The following KIAA1671 variants were observed in gnomAD, a reference collection of about 807,000 sequenced individuals.
The protein encoded by KIAA1671 is KIAA1671.
Under a neutral mutation model 131.2 loss-of-function variants are expected in KIAA1671, and 52 were observed. The observed-to-expected ratio is 0.40, with a 90% CI of 0.32 to 0.50. The LOEUF is 0.50. Among genes scored for constraint, KIAA1671 ranks in the 20% least tolerant of loss-of-function variants. The probability of loss-of-function intolerance (pLI) is 0.73; values close to 1 mark genes in which losing one functional copy is unlikely to be tolerated. For synonymous variants in KIAA1671, 1,003 were observed against 961.6 expected, an observed-to-expected ratio of 1.04 and a Z score of -0.80; for missense variants, 2,360 against 2,364.2, an observed-to-expected ratio of 1.00 and a Z score of 0.04.
chr22:25,141,231 T>C (rs1286987049), intron 6 of KIAA1671, among the ~76,000 whole-genome samples: 1 of 152,096 alleles, frequency 6.6e-6, no homozygotes, highest in Non-Finnish European at 1.5e-5. Context: ...TGTTTTTGTT[T>C]TTGTTTTTTG....
At chr22:25,145,959 A>C (rs1297500376) in intron 6 of KIAA1671, among the ~76,000 whole-genome samples, 1 of 151,902 alleles carries the variant, frequency 6.6e-6, no homozygotes, top group Admixed American at 6.6e-5. Context: ...AAAAAAAAAA[A>C]ACAACAACAA....
chr22:25,078,315 A>G (rs148525911), intron 6 of KIAA1671, among the ~76,000 whole-genome samples: 1 of 152,354 alleles, frequency 6.6e-6, no homozygotes, highest in Non-Finnish European at 1.5e-5. Context: ...GCTTGAGCCC[A>G]GGAATTTGAG....
At chr22:24,953,417 G>C (rs577235854) in intron 1 of KIAA1671, among the ~76,000 whole-genome samples, 79 of 152,186 alleles carry the variant, frequency 5.2e-4, no homozygotes, top group African/African-American at 1.8e-3. Flanking sequence ...CGGTGGTTCG[G>C]GGGGCGTGAG....
chr22:25,083,848 GC>G (rs1218286402), intron 6 of KIAA1671, among the ~76,000 whole-genome samples: 2 of 152,206 alleles, frequency 1.3e-5, no homozygotes, highest in African/African-American at 4.8e-5. Flanking sequence ...GCTTGCCTGG[GC>G]CCCACCTGGC....
intron 1 of KIAA1671, among the ~76,000 whole-genome samples, chr22:24,956,893 G>A (rs1921737222): frequency 6.8e-6 from 1 of 148,002 alleles, no homozygotes; most frequent in African/African-American, 2.5e-5. Flanking sequence ...AAAAAAGAAG[G>A]GAGGGAGGGA....
chr22:25,114,773 A>G (rs2145919472), intron 6 of KIAA1671, among the ~76,000 whole-genome samples: 1 of 152,360 alleles, frequency 6.6e-6, no homozygotes, highest in African/African-American at 2.4e-5. Flanking sequence ...CTTTTTACTC[A>G]GGGACTTCAC....
At chr22:25,118,522 C>T (rs1006255341) in intron 6 of KIAA1671, among the ~76,000 whole-genome samples, 9 of 152,108 alleles carry the variant, frequency 5.9e-5, no homozygotes, top group African/African-American at 2.2e-4. Flanking sequence ...AACTTCTGGG[C>T]TCAAGGGATC....
In KIAA1671 at chr22:25,123,034, T is replaced by C. The variant is rs1328750671; in HGVS notation, c.4531-47786T>C. ...CCATTGTTATCTGATCAGAGCTTAATAGTTGGCAAGGCACAGTCAAACATG... is the reference window on the plus strand; with the variant it reads ...CCATTGTTATCTGATCAGAGCTTAACAGTTGGCAAGGCACAGTCAAACATG... On this transcript the variant is annotated intron_variant, in intron 6 of 12. Transcript: ENST00000358431. Among the ~76,000 whole-genome samples the C allele has an allele frequency of 2.0e-5, 3 of 151,978 alleles. No homozygotes were observed. In the East Asian group the frequency reaches 5.8e-4, roughly 29 times the overall value.
At chr22:25,139,580 A>C (rs1932777080) in intron 6 of KIAA1671, among the ~76,000 whole-genome samples, 1 of 152,198 alleles carries the variant, frequency 6.6e-6, no homozygotes, top group Admixed American at 6.5e-5. Flanking sequence ...TGTGCTGGGG[A>C]TTTATCAGAG....
chr22:24,981,877 A>C (rs1923252822), intron 1 of KIAA1671, among the ~76,000 whole-genome samples: 1 of 152,208 alleles, frequency 6.6e-6, no homozygotes, highest in Admixed American at 6.5e-5. Flanking sequence ...ACTGCACTCC[A>C]GCGTGGGTGA....
intron 6 of KIAA1671, among the ~76,000 whole-genome samples, chr22:25,096,580 A>C (rs922533745): frequency 1.3e-5 from 2 of 152,192 alleles, no homozygotes; most frequent in African/African-American, 4.8e-5. Flanking sequence ...AGTTCTGCCT[A>C]TTACAAGAGC....
At chr22:25,081,736 C>T (rs5760831) in intron 6 of KIAA1671, among the ~76,000 whole-genome samples, 117,911 of 151,904 alleles carry the variant, frequency 0.78, 46,794 homozygotes, top group African/African-American at 0.94. Context: ...ATGAGGACAC[C>T]GAGCAAAACC....
chr22:25,015,332 C>A (rs1925251810), intron 1 of KIAA1671, among the ~76,000 whole-genome samples: 1 of 151,488 alleles, frequency 6.6e-6, no homozygotes. Context: ...CAAAACCAGG[C>A]AGTGGGCTAG....
intron 6 of KIAA1671, chr22:25,052,456 G>C (rs1176177137): frequency 6.6e-6 from 1 of 152,186 alleles, no homozygotes; most frequent in East Asian, 1.9e-4. Flanking sequence ...CAATAACAAA[G>C]CCTAACACTT....
intron 6 of KIAA1671, among the ~76,000 whole-genome samples, chr22:25,145,704 C>T (rs562395978): frequency 1.5e-4 from 23 of 152,232 alleles, no homozygotes; most frequent in African/African-American, 5.1e-4. Context: ...TTTGGGAAGC[C>T]GAGGCGGGTG....
intron 6 of KIAA1671, among the ~76,000 whole-genome samples, chr22:25,089,836 G>C (rs546176774): frequency 8.7e-4 from 133 of 152,258 alleles, no homozygotes; most frequent in South Asian, 3.1e-3. Flanking sequence ...TTGCGCCCTT[G>C]TGTGTTTTGC....
intron 1 of KIAA1671, among the ~76,000 whole-genome samples, chr22:24,954,010 G>A (rs1354479479): frequency 2.6e-5 from 4 of 152,114 alleles, no homozygotes; most frequent in African/African-American, 9.7e-5. Context: ...GAAACAGGTA[G>A]GGGCTCTATA....
At chr22:25,042,906 CCT>C (rs1379041092) in intron 5 of KIAA1671, among the ~76,000 whole-genome samples, 3 of 152,132 alleles carry the variant, frequency 2.0e-5, no homozygotes, top group Non-Finnish European at 4.4e-5. Flanking sequence ...GCATGGAACA[CCT>C]CTGAAGTTGT....
At position 24,963,668 on chromosome 22, in the gene KIAA1671, C is replaced by G. The variant is rs541962342; in HGVS notation, c.-208+10896C>G. Among the ~76,000 whole-genome samples, 6 of 152,034 alleles carry G rather than the reference C, an allele frequency of 3.9e-5. No individual in the cohort carries two copies. In the South Asian group the frequency reaches 1.2e-3, roughly 32 times the overall value. On this transcript the variant is annotated intron_variant, in intron 1 of 12. Coordinates refer to ENST00000358431, the MANE Select transcript of KIAA1671 (RefSeq NM_001145206.2). ...AGTTTTGCAGGAGATAGGCCGGGTG[C>G]GGTGGCTCACACCTGTAATCCCAGC...
Sources: allele counts gnomAD v4.1 joint callset (sites outside exome capture counted in the v4.1 genomes callset), GRCh38; gene constraint gnomAD v4.1.1; transcripts MANE v1.5; gene names NCBI Gene and HGNC (gene_info 2026-07-23, HGNC 2026-07-21).